Variants in NECAB1 observed in about 807,000 individuals in gnomAD.
NECAB1 encodes the protein N-terminal EF-hand calcium binding protein 1.
NECAB1 carries 29 observed loss-of-function variants against 57.5 expected under a neutral mutation model. The observed-to-expected ratio is 0.50, with a 90% CI of 0.38 to 0.69. The LOEUF is 0.69. Ranked by LOEUF, NECAB1 falls within the 30% of genes least tolerant of loss-of-function variation. The pLI is 0.00. For synonymous variants in NECAB1, 142 were observed against 147.7 expected (o/e 0.96, Z 0.28); for missense variants, 372 against 413.8 (o/e 0.90, Z 0.88).
chr8:90,874,511 C>A (rs999173829), intron 4 of NECAB1, among the ~76,000 whole-genome samples: 53 of 152,186 alleles, frequency 3.5e-4, no homozygotes, highest in African/African-American at 1.2e-3. Context: ...CAATACTGAG[C>A]TCTACTATTT....
chr8:90,920,233 A>G (rs972859807), intron 6 of NECAB1, among the ~76,000 whole-genome samples: 2 of 152,198 alleles, frequency 1.3e-5, no homozygotes, highest in Non-Finnish European at 2.9e-5. Flanking sequence ...CAAATCTGTG[A>G]TATTCCCCCT....
chr8:90,874,547 T>C (rs1229392219), intron 4 of NECAB1, among the ~76,000 whole-genome samples: 1 of 152,210 alleles, frequency 6.6e-6, no homozygotes, highest in East Asian at 1.9e-4. Flanking sequence ...TTCCAGACAT[T>C]ATTATGTGTA....
chr8:90,925,734 ACAGAT>A, intron 7 of NECAB1, 78 bp downstream of exon 7: 16 of 1,548,226 alleles, frequency 1.0e-5, no homozygotes, highest in Non-Finnish European at 1.4e-5. Context: ...TTAACAAACA[ACAGAT>A]AAGACAATAG....
chr8:90,870,061 T>A (rs1808594252), intron 3 of NECAB1, among the ~76,000 whole-genome samples: 1 of 152,068 alleles, frequency 6.6e-6, no homozygotes, highest in Non-Finnish European at 1.5e-5. Context: ...GTGTAGCACT[T>A]CCCTCTTCAC....
chr8:90,899,884 T>A (rs992565675), intron 5 of NECAB1, among the ~76,000 whole-genome samples: 5 of 152,144 alleles, frequency 3.3e-5, no homozygotes, highest in Non-Finnish European at 7.4e-5. Flanking sequence ...GAAAATATTA[T>A]TTTCAGAATA....
At chr8:90,898,733 C>T (rs1005937609) in intron 5 of NECAB1, among the ~76,000 whole-genome samples, 12 of 152,200 alleles carry the variant, frequency 7.9e-5, no homozygotes, top group Admixed American at 3.9e-4. Flanking sequence ...ACAGTGCATA[C>T]ATTATCTCAA....
At chr8:90,940,016 A>T (rs1010927691) in intron 9 of NECAB1, among the ~76,000 whole-genome samples, 1 of 152,248 alleles carries the variant, frequency 6.6e-6, no homozygotes, top group African/African-American at 2.4e-5. Flanking sequence ...TTCACTACCA[A>T]TTCTTGAAAA....
At position 90,959,050 on chromosome 8, in the gene NECAB1, G is replaced by C; in HGVS notation, c.*3538G>C. On this transcript the variant is annotated 3_prime_UTR_variant, in exon 13 of 13. Coordinates refer to ENST00000417640, the MANE Select transcript of NECAB1 (RefSeq NM_022351.5). ...GTTTTCCTGTAATATAAAAGAAAAA[G>C]TTAATTTATCAATTGATTGAATACA... is the stretch of plus-strand genomic sequence containing the variant. The C allele has an allele frequency of 8.4e-7, 1 of 1,192,968 alleles. No homozygotes were observed. Among genetic ancestry groups the C allele is most frequent in the Non-Finnish European group, 1.2e-6 (1 of 860,828 alleles). 73.9% of individuals were successfully genotyped at this position (1,192,968 alleles called of 1,614,324 possible).
chr8:90,909,290 T>A (rs1411919859), intron 5 of NECAB1, among the ~76,000 whole-genome samples: 1 of 152,074 alleles, frequency 6.6e-6, no homozygotes, highest in Non-Finnish European at 1.5e-5. Flanking sequence ...ATGAACATAG[T>A]CCAACTAATT....
intron 3 of NECAB1, among the ~76,000 whole-genome samples, chr8:90,836,979 T>A (rs186384048): frequency 5.9e-5 from 9 of 152,382 alleles, no homozygotes; most frequent in South Asian, 2.1e-4. Context: ...TTCTTTAACA[T>A]TTCTATCTCT....
chr8:90,935,320 A>ACT (rs1167775965), intron 9 of NECAB1, among the ~76,000 whole-genome samples: 1 of 152,288 alleles, frequency 6.6e-6, no homozygotes, highest in African/African-American at 2.4e-5. Context: ...GAGTCTCAGA[A>ACT]AAGTTTAATC....
rs114552139 is a variant in NECAB1 at position 90,905,363 on chromosome 8, C to G, written c.358-12129C>G. Among the ~76,000 whole-genome samples, 255 of 152,192 alleles carry G rather than the reference C, an allele frequency of 1.7e-3. 1 individual carries two copies. Among genetic ancestry groups the G allele is most frequent in the African/African-American group, 6.0e-3 (248 of 41,510 alleles). ...TTGGGCAATTGTGACTTATCTTAAGCCAAGTTAGTGCAGTGGTTCAAGAGG... is the reference window on the plus strand; with the variant it reads ...TTGGGCAATTGTGACTTATCTTAAGGCAAGTTAGTGCAGTGGTTCAAGAGG... On this transcript the variant is annotated intron_variant, in intron 5 of 12. Transcript: ENST00000417640.
At chr8:90,882,426 A>G (rs79288066) in intron 5 of NECAB1, among the ~76,000 whole-genome samples, 1 of 146,964 alleles carries the variant, frequency 6.8e-6, no homozygotes, top group Non-Finnish European at 1.5e-5. Context: ...AGAGAGAGAG[A>G]AAAAAAAAAA....
At chr8:90,830,625 A>G (rs113082749) in intron 3 of NECAB1, among the ~76,000 whole-genome samples, 14 of 152,212 alleles carry the variant, frequency 9.2e-5, no homozygotes, top group African/African-American at 3.4e-4. Flanking sequence ...GTCCAGTTAG[A>G]ACTTCTTTCT....
rs188637911 is a variant in NECAB1, at chr8:90,897,907, T to C, written c.357+16777T>C. On this transcript the variant is annotated intron_variant, in intron 5 of 12. Coordinates refer to ENST00000417640, the MANE Select transcript of NECAB1 (RefSeq NM_022351.5). ...CCTCCTGTAAGTCACTGTTGGCAGA[T>C]GATTTAAATGGCTGTGAGAGTAATC... Among the ~76,000 whole-genome samples, 5 of 152,346 alleles carry C rather than the reference T, an allele frequency of 3.3e-5. No homozygotes were observed. In the East Asian group the frequency reaches 9.6e-4, roughly 29 times the overall value.
chr8:90,917,882 G>GTGCA (rs2130122535), intron 6 of NECAB1, among the ~76,000 whole-genome samples: 1 of 68,662 alleles, frequency 1.5e-5, no homozygotes, highest in African/African-American at 1.0e-4. Context: ...GTGTGTGTGT[G>GTGCA]CGTGTATATA....
intron 11 of NECAB1, among the ~76,000 whole-genome samples, chr8:90,950,724 G>A (rs182313753): frequency 3.4e-4 from 51 of 152,204 alleles, no homozygotes; most frequent in African/African-American, 1.1e-3. Context: ...TAACTTATTC[G>A]ACTCTGCTTC....
chr8:90,857,824 A>T (rs988763368), intron 3 of NECAB1, among the ~76,000 whole-genome samples: 1 of 152,164 alleles, frequency 6.6e-6, no homozygotes, highest in Admixed American at 6.5e-5. Flanking sequence ...AAATTATTCA[A>T]TTCTCATACA....
chr8:90,928,638 A>T (rs1370250612), intron 8 of NECAB1, among the ~76,000 whole-genome samples: 1 of 152,214 alleles, frequency 6.6e-6, no homozygotes, highest in East Asian at 1.9e-4. Context: ...GCTCTTAGGG[A>T]TAATATGTTG....
Sources: gnomAD v4.1 joint callset for allele counts (sites outside exome capture counted in the v4.1 genomes callset) on GRCh38, gnomAD v4.1.1 for gene constraint, MANE v1.5 for transcripts, NCBI Gene and HGNC (gene_info 2026-07-23, HGNC 2026-07-21) for gene names.